Variants in CACNA2D1 observed in about 807,000 individuals in gnomAD.
CACNA2D1 encodes the protein voltage-dependent calcium channel subunit alpha-2/delta-1.
Under a neutral mutation model 171.5 loss-of-function variants are expected in CACNA2D1, and 53 were observed. That is an observed-to-expected ratio of 0.31 (90% CI 0.25 to 0.39). The LOEUF (loss-of-function observed/expected upper bound fraction) is 0.39, where lower values mean the gene tolerates loss of function less well. Among genes scored for constraint, CACNA2D1 ranks in the 10% least tolerant of loss-of-function variants. The pLI is 1.00. For synonymous variants in CACNA2D1, 442 were observed against 443.1 expected (o/e 1.00, Z 0.03); for missense variants, 903 against 1,299.8 (o/e 0.69, Z 4.69).
At chr7:82,271,487 T>C (rs1257014663) in intron 3 of CACNA2D1, among the ~76,000 whole-genome samples, 1 of 152,144 alleles carries the variant, frequency 6.6e-6, no homozygotes, top group Non-Finnish European at 1.5e-5. Flanking sequence ...ATGAACCCAT[T>C]ATCACTTGTC....
chr7:82,283,556 T>C (rs1810384543), intron 3 of CACNA2D1, among the ~76,000 whole-genome samples: 1 of 152,204 alleles, frequency 6.6e-6, no homozygotes, highest in East Asian at 1.9e-4. Flanking sequence ...GTGAACGGTA[T>C]CTGTGAAAAT....
chr7:82,270,546 G>GT (rs1808486803), intron 3 of CACNA2D1, among the ~76,000 whole-genome samples: 3 of 152,240 alleles, frequency 2.0e-5, no homozygotes, highest in African/African-American at 7.2e-5. Context: ...ATAAAAATGT[G>GT]TATCTGTTGG....
chr7:82,404,977 C>A (rs1826860194), intron 1 of CACNA2D1, among the ~76,000 whole-genome samples: 1 of 152,156 alleles, frequency 6.6e-6, no homozygotes, highest in African/African-American at 2.4e-5. Flanking sequence ...CCTGATTTAG[C>A]TCATTTTGAG....
chr7:82,394,345 G>A (rs1033890655), intron 1 of CACNA2D1, among the ~76,000 whole-genome samples: 11 of 151,918 alleles, frequency 7.2e-5, no homozygotes, highest in African/African-American at 2.7e-4. Flanking sequence ...GGGAAAGTGG[G>A]AGAAAGAAAA....
In CACNA2D1 at chr7:81,947,738, GTAAC is replaced by G. The variant is rs1462982743; in HGVS notation, c.*2650_*2653del. 6.6e-6 allele frequency: 1 copy of G among 151,860 alleles called. No individual in the cohort carries two copies. The highest frequency in any genetic ancestry group is 1.5e-5 in the Non-Finnish European group (1 of 67,844). The allele number at this position is 151,860 out of a possible 1,614,324, so 9.4% of individuals were successfully genotyped here. A position where few individuals can be genotyped will look rare whatever the true frequency, so the allele number is the denominator to read the frequency against. ...GGCTATAATTTAAGTTCTTGTCAAT[GTAAC>G]TCAGAAAAATACTAAATGTAATGTA... On this transcript the variant is annotated 3_prime_UTR_variant, in exon 39 of 39. Transcript: ENST00000356860.
chr7:82,351,250 A>G (rs1318661372), intron 1 of CACNA2D1, among the ~76,000 whole-genome samples: 2 of 151,584 alleles, frequency 1.3e-5, no homozygotes, highest in Non-Finnish European at 2.9e-5. Context: ...GTATAAATAT[A>G]AATTTTTTAA....
chr7:82,413,378 G>A (rs1399013408), intron 1 of CACNA2D1, among the ~76,000 whole-genome samples: 1 of 152,158 alleles, frequency 6.6e-6, no homozygotes, highest in Non-Finnish European at 1.5e-5. Flanking sequence ...TCAGGCCAGG[G>A]CTGTGAAGTG....
intron 10 of CACNA2D1, 99 bp downstream of exon 10, chr7:82,060,329 G>A (rs1271617457): frequency 4.0e-6 from 3 of 756,998 alleles, no homozygotes; most frequent in African/African-American, 1.8e-5. Flanking sequence ...TATCAAAAAT[G>A]TCTCAGCCTC....
At chr7:82,047,082 T>C (rs1318119633) in intron 10 of CACNA2D1, among the ~76,000 whole-genome samples, 3 of 152,204 alleles carry the variant, frequency 2.0e-5, no homozygotes, top group Non-Finnish European at 2.9e-5. Flanking sequence ...ACCTGACATT[T>C]CTGTCTTCTC....
chr7:81,967,598 G>T lies in CACNA2D1; in HGVS notation c.2461C>A (p.Pro821Thr), dbSNP rs1317382267. The T allele has an allele frequency of 1.4e-6, 2 of 1,473,624 alleles. No individual in the cohort carries two copies. The highest frequency in any genetic ancestry group is 1.9e-6 in the Non-Finnish European group (2 of 1,059,552). 91.3% of individuals were successfully genotyped at this position (1,473,624 alleles called of 1,614,324 possible). The change falls in exon 30 of 39, where the codon CCG (proline) becomes ACG (threonine). Residue 821 changes from proline (P) to threonine (T), a missense_variant and splice_region_variant. Around this residue, in one of 5 missense-constraint regions of CACNA2D1, gnomAD observed 623 missense variants for 925.5 expected, o/e 0.67. Coordinates refer to ENST00000356860, the MANE Select transcript of CACNA2D1 (RefSeq NM_000722.4). ...ENFTKTSIRDPCAGPVCDCKR... is the reference protein window; with the variant it reads ...ENFTKTSIRDTCAGPVCDCKR... ...AGAATTTTTTAAAAATATCTTACCG[G>T]ATCTCTGATTGAGGTTTTGGTGAAA...
chr7:82,055,876 C>T (rs1471732707), intron 10 of CACNA2D1, among the ~76,000 whole-genome samples: 1 of 147,580 alleles, frequency 6.8e-6, no homozygotes, highest in Non-Finnish European at 1.5e-5. Flanking sequence ...AACAAACCTG[C>T]ACATTGTGCC....
intron 18 of CACNA2D1, among the ~76,000 whole-genome samples, chr7:82,002,042 A>AG (rs1554346938): frequency 9.5e-4 from 134 of 140,880 alleles, no homozygotes; most frequent in African/African-American, 2.1e-3. Flanking sequence ...AAAAAAAAAA[A>AG]AGAGAGAGAG....
chr7:82,361,207 C>G (rs1284804474), intron 1 of CACNA2D1, among the ~76,000 whole-genome samples: 2 of 152,164 alleles, frequency 1.3e-5, no homozygotes, highest in Non-Finnish European at 2.9e-5. Flanking sequence ...AAGATTGTTT[C>G]TTAGATAGGA....
chr7:82,387,211 T>G (rs1295476660), intron 1 of CACNA2D1, among the ~76,000 whole-genome samples: 2 of 152,144 alleles, frequency 1.3e-5, no homozygotes, highest in Non-Finnish European at 2.9e-5. Flanking sequence ...TTTAAAAAAA[T>G]AAGTAACCAT....
chr7:82,435,743 CT>C (rs140474139), intron 1 of CACNA2D1, among the ~76,000 whole-genome samples: 102 of 147,568 alleles, frequency 6.9e-4, no homozygotes, highest in Middle Eastern at 3.6e-3. Flanking sequence ...AAACCTATTA[CT>C]TTTTTTTTTT....
At chr7:82,423,389 C>A (rs1828895713) in intron 1 of CACNA2D1, among the ~76,000 whole-genome samples, 1 of 152,098 alleles carries the variant, frequency 6.6e-6, no homozygotes, top group Non-Finnish European at 1.5e-5. Flanking sequence ...GGAATAGCTA[C>A]CTTCAGATTA....
chr7:82,349,166 T>C (rs1819574586), intron 2 of CACNA2D1, among the ~76,000 whole-genome samples: 1 of 152,210 alleles, frequency 6.6e-6, no homozygotes, highest in South Asian at 2.1e-4. Flanking sequence ...AGAATGAATA[T>C]ATGTTTTCAC....
intron 4 of CACNA2D1, among the ~76,000 whole-genome samples, chr7:82,137,069 TACAC>T (rs1791706633): frequency 6.6e-6 from 1 of 152,218 alleles, no homozygotes; most frequent in Non-Finnish European, 1.5e-5. Context: ...TTTATATACA[TACAC>T]AGAGTGTTGA....
At chr7:82,270,859 G>T (rs1808532337) in intron 3 of CACNA2D1, among the ~76,000 whole-genome samples, 1 of 152,024 alleles carries the variant, frequency 6.6e-6, no homozygotes. Flanking sequence ...TATGTCCTTT[G>T]TCTAACTACT....
Sources: gnomAD v4.1 joint callset for allele counts (sites outside exome capture counted in the v4.1 genomes callset) on GRCh38, gnomAD v4.1.1 for gene constraint, gnomAD v4.1.1 regional missense constraint, MANE v1.5 for transcripts, NCBI Gene and HGNC (gene_info 2026-07-23, HGNC 2026-07-21) for gene names.